Variants in CSF3R observed in about 807,000 individuals in gnomAD.
CSF3R encodes the protein granulocyte colony-stimulating factor receptor.
Under a neutral mutation model 84.4 loss-of-function variants are expected in CSF3R, and 52 were observed. The observed-to-expected ratio is 0.62, with a 90% CI of 0.49 to 0.78. The LOEUF is 0.78. Among genes scored for constraint, CSF3R ranks in the 30% least tolerant of loss-of-function variants. The pLI, the probability that CSF3R is intolerant of heterozygous loss-of-function variation, is 0.00. For missense variants in CSF3R, 890 were observed against 1,055.7 expected, an observed-to-expected ratio of 0.84 and a Z score of 2.17; for synonymous variants, 384 against 429.1, an observed-to-expected ratio of 0.89 and a Z score of 1.30.
chr1:36,478,907 C>T, intron 3 of CSF3R: 1 of 227,350 alleles, frequency 4.4e-6, no homozygotes, highest in Admixed American at 5.1e-5. Flanking sequence ...CAGTATGTGG[C>T]CTGCAAAGCC....
Position 36,471,653 on chromosome 1 carries a change from G to A in CSF3R, c.1072-7C>T. On this transcript the variant is annotated splice_region_variant and splice_polypyrimidine_tract_variant and intron_variant, in intron 9 of 16. Coordinates refer to ENST00000373106, the MANE Select transcript of CSF3R (RefSeq NM_000760.4). ...CTTCCTCCAGGGGCACTGGCTGTGG[G>A]GCACAGGAGGAAAAAGAGAAGGGGA... 1 of 1,613,942 alleles carries A rather than the reference G, an allele frequency of 6.2e-7. No individual in the cohort carries two copies. The highest frequency in any genetic ancestry group is 8.5e-7 in the Non-Finnish European group (1 of 1,179,934).
chr1:36,478,669 A>C (rs1221822824), intron 3 of CSF3R, among the ~76,000 whole-genome samples: 1 of 151,626 alleles, frequency 6.6e-6, no homozygotes, highest in Non-Finnish European at 1.5e-5. Context: ...GCAACATGGC[A>C]AAACTACATC....
rs766930925 is a variant in CSF3R at position 36,468,062 on chromosome 1, A to C, written c.1723+13T>G. On this transcript the variant is annotated intron_variant, in intron 13 of 16. Transcript: ENST00000373106. ...GCCTTCTGGGGCTGTGGGGGAACTG[A>C]GGATAGACTCACAGAAGGACTGGTT... 9.3e-6 allele frequency: 15 copies of C among 1,614,070 alleles called. No individual in the cohort carries two copies. Among genetic ancestry groups the C allele is most frequent in the South Asian group, 7.7e-5 (7 of 91,092 alleles).
chr1:36,473,105 C>A (rs1650887178), intron 6 of CSF3R: 2 of 410,850 alleles, frequency 4.9e-6, no homozygotes, highest in Non-Finnish European at 8.8e-6. Flanking sequence ...TATTTTCCCC[C>A]CCACTTGAAT....
chr1:36,482,389 G>A (rs940579870), intron 1 of CSF3R, among the ~76,000 whole-genome samples: 3 of 152,032 alleles, frequency 2.0e-5, no homozygotes, highest in Non-Finnish European at 4.4e-5. Flanking sequence ...GGAAATATGC[G>A]AGACAGAGAA....
Position 36,472,736 on chromosome 1 carries a change from C to T in CSF3R, c.674-50G>A. 6.7e-7 allele frequency: 1 copy of T among 1,494,064 alleles called. No homozygotes were observed. The highest frequency in any genetic ancestry group is 8.9e-7 in the Non-Finnish European group (1 of 1,118,524). 92.6% of individuals were successfully genotyped at this position (1,494,064 alleles called of 1,614,324 possible). A position where few individuals can be genotyped will look rare whatever the true frequency, so the allele number is the denominator to read the frequency against. ...GGTCTCCCTATCCCACCCTAGAGGG[C>T]TCTGCCTTAGCTCCCTCTTGTCTCC... On this transcript the variant is annotated intron_variant, in intron 6 of 16. Transcript: ENST00000373106. The surrounding 1 kb of genome is among the most constrained non-coding windows in gnomAD (Gnocchi z 5.0).
intron 3 of CSF3R, among the ~76,000 whole-genome samples, chr1:36,477,875 C>T (rs1172780363): frequency 6.6e-6 from 1 of 152,060 alleles, no homozygotes; most frequent in Non-Finnish European, 1.5e-5. Context: ...TGTCCTGCCT[C>T]AGCCTCCCGA....
intron 4 of CSF3R, among the ~76,000 whole-genome samples, chr1:36,474,449 G>A (rs929663233): frequency 6.9e-6 from 1 of 145,668 alleles, no homozygotes; most frequent in Non-Finnish European, 1.5e-5. Context: ...CCAGGCTGGA[G>A]TGCAGTGGCG....
At position 36,473,812 on chromosome 1, in the gene CSF3R, G is replaced by A. The variant is rs1455346222; in HGVS notation, c.437C>T (p.Pro146Leu). The change falls in exon 5 of 17, where the codon CCA becomes CTA. Residue 146 changes from proline (P) to leucine (L), a missense_variant. Physicochemically the swap from Pro to Leu is moderately conservative, Grantham distance 98 (BLOSUM62 -3). Transcript: ENST00000373106. ...GGTGGGTAGGTGGGTCTCAGGTCCT[G>A]GCTCCCACTGGCAGATGAGGCTGCT... is the stretch of plus-strand genomic sequence containing the variant. ...TTSSLICQWEPGPETHLPTSF... is the reference protein window; with the variant it reads ...TTSSLICQWELGPETHLPTSF... The A allele has an allele frequency of 1.2e-6, 2 of 1,614,256 alleles. No individual in the cohort carries two copies. Among genetic ancestry groups the A allele is most frequent in the Non-Finnish European group, 1.7e-6 (2 of 1,180,048 alleles).
rs766181427 is a variant in CSF3R at position 36,472,311 on chromosome 1, G to A, written c.924C>T (p.Arg308=). Reference sequence around the variant, plus strand: ...GGCCAGGCAGGGGCCAGCGGATGCAGCGTATCTGCAGGGTGTAGGCCGTGG... The same window carrying A: ...GGCCAGGCAGGGGCCAGCGGATGCAACGTATCTGCAGGGTGTAGGCCGTGG... ...LPATAYTLQI[R]CIRWPLPGHW... is the part of the protein sequence containing the mutation. The change falls in exon 8 of 17, where the codon CGC becomes CGT. Residue 308 remains arginine, a synonymous_variant. Coordinates refer to ENST00000373106, the MANE Select transcript of CSF3R (RefSeq NM_000760.4). The surrounding 1 kb of genome is among the most constrained non-coding windows in gnomAD (Gnocchi z 5.0). 1 of 1,614,222 alleles carries A rather than the reference G, an allele frequency of 6.2e-7. No homozygotes were observed. Among genetic ancestry groups the A allele is most frequent in the Non-Finnish European group, 8.5e-7 (1 of 1,180,030 alleles).
chr1:36,469,041 G>C, intron 12 of CSF3R, 115 bp downstream of exon 12: 1 of 783,514 alleles, frequency 1.3e-6, no homozygotes, highest in Admixed American at 2.0e-5. Context: ...TCCTCTCCAG[G>C]GCTGGAAGTA....
intron 12 of CSF3R, 105 bp downstream of exon 12, chr1:36,469,051 A>G: frequency 1.2e-6 from 1 of 825,130 alleles, no homozygotes; most frequent in East Asian, 2.6e-5. Context: ...GGCTGGAAGT[A>G]TGGTAGGAAG....
rs770613565 is a variant in CSF3R at position 36,467,927 on chromosome 1, G to C, written c.1759C>G (p.Leu587Val). Reference sequence around the variant, plus strand: ...AGACTGGCGGGCTCCAGGCCATGGAGGACAAAGCCACGGGAGGAGGCATTC... The same window carrying C: ...AGACTGGCGGGCTCCAGGCCATGGACGACAAAGCCACGGGAGGAGGCATTC... Reference protein sequence around the residue: ...ILNASSRGFVLHGLEPASLYH... With the variant: ...ILNASSRGFVVHGLEPASLYH... The change falls in exon 14 of 17, where the codon CTC becomes GTC. Residue 587 changes from leucine (L) to valine (V), a missense_variant. Coordinates refer to ENST00000373106, the MANE Select transcript of CSF3R (RefSeq NM_000760.4). The surrounding 1 kb of genome is among the most constrained non-coding windows in gnomAD (Gnocchi z 4.1). The C allele has an allele frequency of 4.3e-6, 7 of 1,614,232 alleles. No homozygotes were observed. The Middle Eastern group carries it at 8.2e-4, about 190-fold the overall frequency.
intron 9 of CSF3R, 79 bp from the exon 10 acceptor site, chr1:36,471,725 G>A (rs1203600279): frequency 6.9e-7 from 1 of 1,442,996 alleles, no homozygotes; most frequent in Non-Finnish European, 9.7e-7. Flanking sequence ...TGGGGTGGAT[G>A]GATCATACAA....
chr1:36,471,880 G>T, intron 9 of CSF3R, 186 bp downstream of exon 9: 1 of 702,746 alleles, frequency 1.4e-6, no homozygotes, highest in Non-Finnish European at 2.4e-6. Context: ...GAACCACACT[G>T]TGACGTGCGT....
rs563452605 is a variant in CSF3R, at chr1:36,471,998, G to A, written c.1071+68C>T. The stretch of plus-strand genomic sequence containing the variant: ...CAGACCTGTTGGAGTCCTAAGCCCC[G>A]GTTTGTAGGGATCTGTTTGGACTGC... On this transcript the variant is annotated intron_variant, in intron 9 of 16. Transcript: ENST00000373106. 1.8e-5 allele frequency: 28 copies of A among 1,513,820 alleles called. No homozygotes were observed. In the East Asian group the frequency reaches 3.8e-4, roughly 21 times the overall value. The allele number at this position is 1,513,820 out of a possible 1,614,324, so 93.8% of individuals were successfully genotyped here. A position where few individuals can be genotyped will look rare whatever the true frequency, so the allele number is the denominator to read the frequency against.
In CSF3R at chr1:36,475,549, C is replaced by T. The variant is rs1286213872; in HGVS notation, c.189G>A (p.Trp63Ter). 3.7e-6 allele frequency: 6 copies of T among 1,614,084 alleles called. No individual in the cohort carries two copies. The Admixed American group carries it at 5.0e-5, about 13-fold the overall frequency. Residue 63 changes from tryptophan (W) to a stop codon, truncating the protein, a stop_gained, in exon 4 of 17, where the codon TGG becomes TGA. Transcript: ENST00000373106. LOFTEE classifies it high-confidence loss of function. ...CGGGCTGAAGCTCTGCTCCCAGTCT[C>T]CACAGAATCTGTGGCTCCGGGTCCA... The part of the protein sequence containing the change: ...SHLDPEPQIL[W>*]RLGAELQPGG...
At chr1:36,469,995 A>G (rs1650605008) in intron 10 of CSF3R, among the ~76,000 whole-genome samples, 155 bp from the exon 11 acceptor site, 1 of 152,198 alleles carries the variant, frequency 6.6e-6, no homozygotes, top group African/African-American at 2.4e-5. Flanking sequence ...TGTAAAGTAG[A>G]AATGATGATA....
intron 10 of CSF3R, among the ~76,000 whole-genome samples, chr1:36,471,211 A>G (rs1650699415): frequency 6.6e-6 from 1 of 151,916 alleles, no homozygotes; most frequent in African/African-American, 2.4e-5. Context: ...ATGCCTGGCT[A>G]ATTTTTGTAT....
Sources: allele counts gnomAD v4.1 joint callset (sites outside exome capture counted in the v4.1 genomes callset), GRCh38; gene constraint gnomAD v4.1.1; non-coding constraint Gnocchi (gnomAD v3.1); transcripts MANE v1.5; gene names NCBI Gene and HGNC (gene_info 2026-07-23, HGNC 2026-07-21).